DPP10: variants seen among roughly 807,000 people sequenced by gnomAD.
DPP10 encodes inactive dipeptidyl peptidase 10.
Under a neutral mutation model 120.9 loss-of-function variants are expected in DPP10, and 33 were observed. The observed-to-expected ratio is 0.27, with a 90% CI of 0.21 to 0.37. The LOEUF is 0.37. Ranked by LOEUF, DPP10 falls within the 10% of genes least tolerant of loss-of-function variation. The probability of loss-of-function intolerance (pLI) is 1.00; values close to 1 mark genes in which losing one functional copy is unlikely to be tolerated. For missense variants in DPP10, 816 were observed against 942.8 expected (o/e 0.87, Z 1.76); for synonymous variants, 337 against 326.1 (o/e 1.03, Z -0.36).
intron 1 of DPP10, among the ~76,000 whole-genome samples, chr2:115,285,432 C>T (rs2060325036): frequency 6.6e-6 from 1 of 152,042 alleles, no homozygotes; most frequent in African/African-American, 2.4e-5. Flanking sequence ...ATTATCTCTA[C>T]ATGTTGATTT....
intron 3 of DPP10, among the ~76,000 whole-genome samples, chr2:115,369,029 G>A (rs746493456): frequency 6.6e-6 from 1 of 151,916 alleles, no homozygotes; most frequent in Non-Finnish European, 1.5e-5. Flanking sequence ...GATAGGCTCT[G>A]CATATATTAA....
intron 1 of DPP10, among the ~76,000 whole-genome samples, chr2:115,071,047 T>C (rs1353088713): frequency 3.9e-5 from 6 of 152,208 alleles, no homozygotes; most frequent in Admixed American, 3.9e-4. Context: ...TAAATGTCTA[T>C]TTTCTCTTCA....
chr2:115,165,266 A>G (rs774400215), intron 1 of DPP10, among the ~76,000 whole-genome samples: 6 of 152,122 alleles, frequency 3.9e-5, no homozygotes, highest in Non-Finnish European at 8.8e-5. Flanking sequence ...TTTTATTCCT[A>G]TTTTAGAGAT....
chr2:115,632,782 A>C (rs919295449), intron 5 of DPP10, among the ~76,000 whole-genome samples: 1 of 152,236 alleles, frequency 6.6e-6, no homozygotes, highest in Non-Finnish European at 1.5e-5. Context: ...ATATGAACAG[A>C]CACTTCTCAA....
At chr2:114,567,638 G>T (rs977390479) in intron 1 of DPP10, among the ~76,000 whole-genome samples, 10 of 151,982 alleles carry the variant, frequency 6.6e-5, no homozygotes, top group African/African-American at 2.4e-4. Flanking sequence ...TAGCATATTG[G>T]CATATTGGTT....
intron 1 of DPP10, among the ~76,000 whole-genome samples, chr2:114,757,065 A>T (rs2106078257): frequency 6.7e-6 from 1 of 148,490 alleles, no homozygotes; most frequent in South Asian, 2.3e-4. Flanking sequence ...GGAGAAAGAA[A>T]TGAAGAAAGG....
chr2:115,320,042 A>G (rs1391313459), intron 2 of DPP10, among the ~76,000 whole-genome samples: 23 of 152,140 alleles, frequency 1.5e-4, no homozygotes, highest in Non-Finnish European at 1.5e-5. Flanking sequence ...AATCATTCAA[A>G]CCATAGCATA....
At chr2:115,806,047 C>G (rs111708135) in intron 19 of DPP10, among the ~76,000 whole-genome samples, 2,776 of 152,192 alleles carry the variant, frequency 0.018, 87 homozygotes, top group African/African-American at 0.061. Context: ...ATGTGCCATA[C>G]AAGCTTTTAT....
intron 1 of DPP10, among the ~76,000 whole-genome samples, chr2:114,802,299 AC>A (rs1375199600): frequency 6.6e-6 from 1 of 152,234 alleles, no homozygotes; most frequent in African/African-American, 2.4e-5. Flanking sequence ...AGGTATTTAT[AC>A]TTTTAAAATA....
chr2:114,539,639 C>T (rs928329144), intron 1 of DPP10, among the ~76,000 whole-genome samples: 23 of 152,174 alleles, frequency 1.5e-4, no homozygotes, highest in African/African-American at 3.9e-4. Context: ...ACCTGCTCTA[C>T]GTTCCATGCA....
chr2:114,455,863 CA>C lies in DPP10; in HGVS notation c.60+13031del, dbSNP rs537919468. Among the ~76,000 whole-genome samples, 31 of 151,830 alleles carry C rather than the reference CA, an allele frequency of 2.0e-4. No individual in the cohort carries two copies. The South Asian group carries it at 5.8e-3, about 29-fold the overall frequency. On this transcript the variant is annotated intron_variant, in intron 1 of 25. Transcript: ENST00000410059. ...CAGATAGGCATTATTCTCATTTTAC[CA>C]AAAAATTTTAAGGGCTTAATTTTTT...
intron 1 of DPP10, among the ~76,000 whole-genome samples, chr2:115,072,285 C>G (rs1232803082): frequency 6.6e-6 from 1 of 152,096 alleles, no homozygotes; most frequent in Non-Finnish European, 1.5e-5. Context: ...AGGGAACAGT[C>G]CTAGAAACAG....
chr2:115,338,314 AT>A (rs1169633756), intron 2 of DPP10, among the ~76,000 whole-genome samples: 1 of 152,172 alleles, frequency 6.6e-6, no homozygotes, highest in Non-Finnish European at 1.5e-5. Flanking sequence ...TATTTATGTA[AT>A]TTTTATATCA....
rs1384984749 is a variant in DPP10 at position 115,842,277 on chromosome 2, A to G, written c.2323A>G (p.Lys775Glu). 2.5e-6 allele frequency: 4 copies of G among 1,614,014 alleles called. No individual in the cohort carries two copies. Among genetic ancestry groups the G allele is most frequent in the Non-Finnish European group, 3.4e-6 (4 of 1,179,904 alleles). Reference sequence around the variant, plus strand: ...GTATCATCTCTACAGCACAATCCTCAAATTCTTCAGTGATTGTTTGAAGGA... The same window carrying G: ...GTATCATCTCTACAGCACAATCCTCGAATTCTTCAGTGATTGTTTGAAGGA... ...SKYHLYSTIL[K>E]FFSDCLKEEI... is the part of the protein sequence containing the mutation. Residue 775 changes from lysine (K) to glutamate (E), a missense_variant, in exon 26 of 26, where the codon AAA becomes GAA. By Grantham distance (56) the Lys-to-Glu change is moderately conservative (BLOSUM62 1). Transcript: ENST00000410059.
At chr2:115,780,691 A>G (rs1460632142) in intron 15 of DPP10, among the ~76,000 whole-genome samples, 183 bp from the exon 16 acceptor site, 1 of 151,846 alleles carries the variant, frequency 6.6e-6, no homozygotes, top group Non-Finnish European at 1.5e-5. Flanking sequence ...AAAAATGTGT[A>G]TGTTTTAACA....
At chr2:114,507,172 C>T (rs75173802) in intron 1 of DPP10, among the ~76,000 whole-genome samples, 5,402 of 151,354 alleles carry the variant, frequency 0.036, 333 homozygotes, top group African/African-American at 0.12. Context: ...CTCAGCCTCT[C>T]GAATAGCTGA....
chr2:115,140,097 A>T (rs543298937), intron 1 of DPP10, among the ~76,000 whole-genome samples: 3 of 152,244 alleles, frequency 2.0e-5, no homozygotes, highest in Non-Finnish European at 4.4e-5. Context: ...AAACATATAA[A>T]CAAATAAATA....
At chr2:115,837,032 C>T (rs955405131) in intron 24 of DPP10, among the ~76,000 whole-genome samples, 4 of 152,166 alleles carry the variant, frequency 2.6e-5, no homozygotes, top group African/African-American at 9.7e-5. Flanking sequence ...GTGGCCATAC[C>T]TTGTTTAGTG....
chr2:114,831,049 TTTTTTTTTTG>T (rs1687066179), intron 1 of DPP10, among the ~76,000 whole-genome samples: 5 of 140,826 alleles, frequency 3.6e-5, no homozygotes, highest in African/African-American at 1.1e-4. Context: ...TTTTTTTTTT[TTTTTTTTTTG>T]CTAAATTTTC....
Sources: allele counts gnomAD v4.1 joint callset (sites outside exome capture counted in the v4.1 genomes callset), GRCh38; gene constraint gnomAD v4.1.1; transcripts MANE v1.5; gene names NCBI Gene and HGNC (gene_info 2026-07-23, HGNC 2026-07-21).